Variants in TLL1 observed in about 807,000 individuals in gnomAD.
The protein encoded by TLL1 is tolloid-like protein 1.
A neutral mutation model predicts 128.2 loss-of-function variants in TLL1; 49 were observed. The ratio of observed to expected loss-of-function variants is 0.38; its 90% CI spans 0.30 to 0.48. TLL1 has a LOEUF of 0.48. Ranked by LOEUF, TLL1 falls within the 20% of genes least tolerant of loss-of-function variation. The pLI is 0.96. For synonymous variants in TLL1, 454 were observed against 418.8 expected (o/e 1.08, Z -1.03); for missense variants, 1,123 against 1,242.0 (o/e 0.90, Z 1.44).
At chr4:165,969,291 G>A (rs905229143) in intron 1 of TLL1, among the ~76,000 whole-genome samples, 1 of 151,872 alleles carries the variant, frequency 6.6e-6, no homozygotes, top group Non-Finnish European at 1.5e-5. Flanking sequence ...TTTTATGTTT[G>A]TATTTAATTT....
chr4:165,943,951 G>A (rs1350708369), intron 1 of TLL1, among the ~76,000 whole-genome samples: 1 of 151,986 alleles, frequency 6.6e-6, no homozygotes, highest in Non-Finnish European at 1.5e-5. Flanking sequence ...ATTTTTAGTA[G>A]TTTCAGATAA....
At chr4:166,012,634 T>C (rs954492147) in intron 7 of TLL1, among the ~76,000 whole-genome samples, 2 of 151,698 alleles carry the variant, frequency 1.3e-5, no homozygotes, top group Admixed American at 1.3e-4. Context: ...TGTTGACTCA[T>C]GCCTCAAGTT....
chr4:165,917,309 A>C (rs1256992288), intron 1 of TLL1, among the ~76,000 whole-genome samples: 1 of 152,174 alleles, frequency 6.6e-6, no homozygotes, highest in East Asian at 1.9e-4. Context: ...CTGTTCTAGA[A>C]CACTTACAGG....
intron 14 of TLL1, among the ~76,000 whole-genome samples, chr4:166,058,744 T>A (rs960182120): frequency 1.1e-4 from 16 of 152,294 alleles, no homozygotes; most frequent in Middle Eastern, 6.8e-3. Context: ...TATTTATATT[T>A]ATGTATTTAT....
At chr4:166,074,144 A>G (rs548455755) in intron 16 of TLL1, among the ~76,000 whole-genome samples, 2 of 152,108 alleles carry the variant, frequency 1.3e-5, no homozygotes, top group South Asian at 4.1e-4. Context: ...TGGGGCTCGT[A>G]TTTCCTAGTC....
intron 1 of TLL1, among the ~76,000 whole-genome samples, chr4:165,894,590 G>A (rs1370755427): frequency 1.3e-5 from 2 of 152,130 alleles, no homozygotes; most frequent in Non-Finnish European, 2.9e-5. Context: ...ATTCCCTTAA[G>A]TTGTGGCAAA....
At chr4:165,932,069 C>T (rs1733553625) in intron 1 of TLL1, among the ~76,000 whole-genome samples, 1 of 152,066 alleles carries the variant, frequency 6.6e-6, no homozygotes, top group Non-Finnish European at 1.5e-5. Context: ...ACTTCTTCGC[C>T]TACTCTGGAA....
rs1742261182 is a variant in TLL1, at chr4:166,100,975, G to T, written c.*99G>T. 6.8e-7 allele frequency: 1 copy of T among 1,474,740 alleles called. No individual in the cohort carries two copies. Among genetic ancestry groups the T allele is most frequent in the Non-Finnish European group, 9.2e-7 (1 of 1,086,610 alleles). 91.4% of individuals were successfully genotyped at this position (1,474,740 alleles called of 1,614,324 possible). Reference sequence around the variant, plus strand: ...TATTGGCACAAATGTTTTATACAAAGAGTTTGAACAAAAAATCCCTGTAAG... The same window carrying T: ...TATTGGCACAAATGTTTTATACAAATAGTTTGAACAAAAAATCCCTGTAAG... On this transcript the variant is annotated 3_prime_UTR_variant, in exon 21 of 21. Transcript: ENST00000061240.
chr4:165,997,601 G>C (rs977474228), intron 5 of TLL1, among the ~76,000 whole-genome samples: 5 of 152,120 alleles, frequency 3.3e-5, no homozygotes, highest in Admixed American at 1.3e-4. Flanking sequence ...GAAACTACCT[G>C]TGTCTTTTAG....
At chr4:166,074,471 C>T (rs188303798) in intron 16 of TLL1, among the ~76,000 whole-genome samples, 1 of 151,670 alleles carries the variant, frequency 6.6e-6, no homozygotes, top group African/African-American at 2.4e-5. Context: ...TGAAGGATAT[C>T]CCTCTACTTA....
intron 1 of TLL1, among the ~76,000 whole-genome samples, chr4:165,886,210 A>C (rs1336975037): frequency 6.6e-6 from 1 of 152,144 alleles, no homozygotes; most frequent in African/African-American, 2.4e-5. Flanking sequence ...ACTTAGGTGC[A>C]AGTGTTGGCT....
At chr4:166,082,900 C>G (rs1481284957) in intron 18 of TLL1, among the ~76,000 whole-genome samples, 1 of 152,118 alleles carries the variant, frequency 6.6e-6, no homozygotes, top group Non-Finnish European at 1.5e-5. Context: ...TGGTCTCGAA[C>G]TCCTGACCTC....
At chr4:166,015,442 G>C (rs940811425) in intron 8 of TLL1, among the ~76,000 whole-genome samples, 1 of 151,938 alleles carries the variant, frequency 6.6e-6, no homozygotes, top group Non-Finnish European at 1.5e-5. Context: ...AGAAATGATG[G>C]ATATCTTAAT....
chr4:165,922,783 A>C (rs1374284315), intron 1 of TLL1, among the ~76,000 whole-genome samples: 1 of 152,222 alleles, frequency 6.6e-6, no homozygotes, highest in Non-Finnish European at 1.5e-5. Flanking sequence ...TATGCTTCTC[A>C]GAATTTATAT....
At chr4:165,981,081 A>G (rs1193814001) in intron 1 of TLL1, among the ~76,000 whole-genome samples, 2 of 152,056 alleles carry the variant, frequency 1.3e-5, no homozygotes, top group African/African-American at 2.4e-5. Context: ...ATGAGAGAGT[A>G]ACCAATATAA....
Position 166,100,909 on chromosome 4 carries a change from T to A in TLL1, c.*33T>A. On this transcript the variant is annotated 3_prime_UTR_variant, in exon 21 of 21. Coordinates refer to ENST00000061240, the MANE Select transcript of TLL1 (RefSeq NM_012464.5). Reference sequence around the variant, plus strand: ...ACCTCTGTCAGAACACAAAGGAATGTGCATAATGGAGAGAAGACATATTTT... The same window carrying A: ...ACCTCTGTCAGAACACAAAGGAATGAGCATAATGGAGAGAAGACATATTTT... 6.2e-7 allele frequency: 1 copy of A among 1,610,732 alleles called. No homozygotes were observed. The highest frequency in any genetic ancestry group is 8.5e-7 in the Non-Finnish European group (1 of 1,178,188).
chr4:165,925,365 C>T (rs1733223889), intron 1 of TLL1, among the ~76,000 whole-genome samples: 1 of 152,094 alleles, frequency 6.6e-6, no homozygotes, highest in African/African-American at 2.4e-5. Flanking sequence ...GATTCCAACT[C>T]ATATGAATTA....
chr4:166,043,251 G>C, intron 11 of TLL1, 23 bp from the exon 12 acceptor site: 1 of 1,613,822 alleles, frequency 6.2e-7, no homozygotes, highest in Non-Finnish European at 8.5e-7. Context: ...TTAGTTATTT[G>C]TTTATTTTTT....
intron 13 of TLL1, 32 bp downstream of exon 13, chr4:166,055,303 T>G: frequency 6.3e-7 from 1 of 1,591,488 alleles, no homozygotes; most frequent in Non-Finnish European, 8.6e-7. Flanking sequence ...ACGTGAGATT[T>G]TCTTTATCAA....
Sources: gnomAD v4.1 joint callset for allele counts (sites outside exome capture counted in the v4.1 genomes callset) on GRCh38, gnomAD v4.1.1 for gene constraint, MANE v1.5 for transcripts, NCBI Gene and HGNC (gene_info 2026-07-23, HGNC 2026-07-21) for gene names.